The following SATB2 variants were observed in gnomAD, a reference collection of about 807,000 sequenced individuals.
The protein encoded by SATB2 is DNA-binding protein SATB2.
In SATB2, 1 loss-of-function variant was observed where a neutral mutation model predicts 73.4. That is an observed-to-expected ratio of 0.01 (90% CI 0.00 to 0.06). The LOEUF (loss-of-function observed/expected upper bound fraction) is 0.06, where lower values mean the gene tolerates loss of function less well. Among genes scored for constraint, SATB2 ranks in the 10% least tolerant of loss-of-function variants. The pLI, the probability that SATB2 is intolerant of heterozygous loss-of-function variation, is 1.00. For missense variants in SATB2, 459 were observed against 945.8 expected (o/e 0.49, Z 6.75); for synonymous variants, 397 against 367.0 (o/e 1.08, Z -0.93).
At chr2:199,277,261 A>ATTTT (rs1692343859) in intron 10 of SATB2, among the ~76,000 whole-genome samples, 1 of 152,210 alleles carries the variant, frequency 6.6e-6, no homozygotes. Context: ...GTTTGTTAAA[A>ATTTT]GGATGTGTGT....
intron 2 of SATB2, among the ~76,000 whole-genome samples, chr2:199,437,735 A>C (rs950987824): frequency 2.0e-5 from 3 of 152,230 alleles, no homozygotes; most frequent in African/African-American, 7.2e-5. Context: ...GATAGCTCTC[A>C]AACAATGGAA....
rs535897547 is a variant in SATB2, at chr2:199,270,734, C to G, written c.*1477G>C. ...CTCATCCCATTAAACATCCAGTCAG[C>G]ATTAGTTCTGCTTTACATAAGGTAA... On this transcript the variant is annotated 3_prime_UTR_variant, in exon 11 of 11. Coordinates refer to ENST00000417098, the MANE Select transcript of SATB2 (RefSeq NM_001172509.2). The G allele has an allele frequency of 6.6e-6, 1 of 152,424 alleles. No homozygotes were observed. The highest frequency in any genetic ancestry group is 2.1e-4 in the South Asian group (1 of 4,820). 9.4% of individuals were successfully genotyped at this position (152,424 alleles called of 1,614,324 possible).
Position 199,464,659 on chromosome 2 carries a change from C to G in SATB2, c.-141+177G>C, listed in dbSNP as rs1692556547. On this transcript the variant is annotated intron_variant, in intron 1 of 11. Transcript: ENST00000260926. The surrounding 1 kb of genome is among the most constrained non-coding windows in gnomAD (Gnocchi z 6.6). ...GCCCAGCGGGCCGGGGTCTGGCGAGCCAGGCAGCGGGCCGGCTGAGCTCCT... is the reference window on the plus strand; with the variant it reads ...GCCCAGCGGGCCGGGGTCTGGCGAGGCAGGCAGCGGGCCGGCTGAGCTCCT... Among the ~76,000 whole-genome samples, 1 of 152,174 alleles carries G rather than the reference C, an allele frequency of 6.6e-6. No homozygotes were observed. Among genetic ancestry groups the G allele is most frequent in the Non-Finnish European group, 1.5e-5 (1 of 68,010 alleles).
chr2:199,399,393 C>T (rs2105890303), intron 3 of SATB2, among the ~76,000 whole-genome samples: 1 of 152,202 alleles, frequency 6.6e-6, no homozygotes, highest in East Asian at 1.9e-4. Context: ...TTTGTAATTT[C>T]CTAGTGTGGA....
rs80148161 is a variant in SATB2, at chr2:199,413,612, A to G, written c.346+19726T>C. 2.9e-3 allele frequency among the ~76,000 whole-genome samples: 440 copies of G among 149,222 alleles called. 13 individuals carry two copies. In the East Asian group the frequency reaches 0.075, roughly 26 times the overall value. ...TTTTTTTTCTGAGCAGCATTGTGTC[A>G]AATAAAAAACTTGATTTCCCAGGCT... On this transcript the variant is annotated intron_variant, in intron 3 of 10. Transcript: ENST00000417098.
intron 3 of SATB2, among the ~76,000 whole-genome samples, chr2:199,399,323 G>A (rs1452915894): frequency 2.0e-5 from 3 of 152,092 alleles, no homozygotes; most frequent in African/African-American, 7.2e-5. Context: ...CAAAGTAGAA[G>A]AAATTCATGT....
chr2:199,410,970 G>A (rs1690795442), intron 3 of SATB2, among the ~76,000 whole-genome samples: 1 of 152,044 alleles, frequency 6.6e-6, no homozygotes. Context: ...AGTGATCACA[G>A]ACACCTGGAA....
At chr2:199,307,643 T>A (rs917452418) in intron 10 of SATB2, among the ~76,000 whole-genome samples, 16 of 152,138 alleles carry the variant, frequency 1.1e-4, no homozygotes, top group African/African-American at 3.9e-4. Flanking sequence ...TGACCAATGA[T>A]AACACAAAAG....
At chr2:199,319,833 G>A (rs867946042) in intron 9 of SATB2, among the ~76,000 whole-genome samples, 3 of 151,908 alleles carry the variant, frequency 2.0e-5, no homozygotes, top group African/African-American at 7.3e-5. Context: ...ATAAAAGGGA[G>A]AAGATAGCAG....
chr2:199,375,864 T>C (rs1689584073), intron 5 of SATB2, among the ~76,000 whole-genome samples: 1 of 152,206 alleles, frequency 6.6e-6, no homozygotes, highest in South Asian at 2.1e-4. Context: ...AGTGCCTGAT[T>C]CTTAATCAGG....
chr2:199,296,660 C>G (rs1402386486), intron 10 of SATB2, among the ~76,000 whole-genome samples: 2 of 152,088 alleles, frequency 1.3e-5, no homozygotes, highest in African/African-American at 4.8e-5. Context: ...GATTGTGCCA[C>G]TTCACTCCAG....
Position 199,455,527 on chromosome 2 carries a change from A to G in SATB2, c.169+342T>C, listed in dbSNP as rs1330985605. Among the ~76,000 whole-genome samples, 3 of 152,220 alleles carry G rather than the reference A, an allele frequency of 2.0e-5. No individual in the cohort carries two copies. Among genetic ancestry groups the G allele is most frequent in the Non-Finnish European group, 4.4e-5 (3 of 68,046 alleles). ...GCGAACGCACGTGAACTTCATCCCT[A>G]CAACAGACACTCCGAGGCAAGGCAA... On this transcript the variant is annotated intron_variant, in intron 2 of 10. Transcript: ENST00000417098. The surrounding 1 kb of genome is among the most constrained non-coding windows in gnomAD (Gnocchi z 4.1).
At chr2:199,309,788 T>C (rs1033946418) in intron 9 of SATB2, among the ~76,000 whole-genome samples, 3 of 152,148 alleles carry the variant, frequency 2.0e-5, no homozygotes, top group Non-Finnish European at 4.4e-5. Flanking sequence ...ATCACTAATT[T>C]TAAAAACAAG....
chr2:199,274,192 C>A (rs1366747923), intron 10 of SATB2, among the ~76,000 whole-genome samples: 1 of 152,094 alleles, frequency 6.6e-6, no homozygotes, highest in Admixed American at 6.5e-5. Context: ...TAAACATTTT[C>A]CAGAGTTCAG....
chr2:199,325,697 C>A (rs1240245388), intron 8 of SATB2, among the ~76,000 whole-genome samples: 1 of 152,154 alleles, frequency 6.6e-6, no homozygotes, highest in Non-Finnish European at 1.5e-5. Context: ...TTCTCTCCAA[C>A]CATGAGGGCT....
chr2:199,299,686 C>T (rs1402512476), intron 10 of SATB2, among the ~76,000 whole-genome samples: 1 of 151,682 alleles, frequency 6.6e-6, no homozygotes, highest in Non-Finnish European at 1.5e-5. Flanking sequence ...TTGGCATATT[C>T]AAGAAACTCC....
intron 3 of SATB2, among the ~76,000 whole-genome samples, chr2:199,400,954 G>A (rs976471425): frequency 6.6e-6 from 1 of 152,084 alleles, no homozygotes; most frequent in Admixed American, 6.5e-5. Context: ...TAACAGGTGT[G>A]GTAGGCAAAA....
chr2:199,299,949 T>G (rs1020270424), intron 10 of SATB2, among the ~76,000 whole-genome samples: 4 of 152,150 alleles, frequency 2.6e-5, no homozygotes, highest in Non-Finnish European at 4.4e-5. Flanking sequence ...AATTTTAGTT[T>G]AGATTTATTG....
chr2:199,346,514 G>T (rs904725907), intron 7 of SATB2, among the ~76,000 whole-genome samples: 1 of 151,996 alleles, frequency 6.6e-6, no homozygotes, highest in Non-Finnish European at 1.5e-5. Flanking sequence ...AATTTAAATC[G>T]CCTACATAAT....
Sources: gnomAD v4.1 joint callset for allele counts (sites outside exome capture counted in the v4.1 genomes callset) on GRCh38, gnomAD v4.1.1 for gene constraint, Gnocchi (gnomAD v3.1) non-coding constraint, MANE v1.5 for transcripts, NCBI Gene and HGNC (gene_info 2026-07-23, HGNC 2026-07-21) for gene names.